The following CDH13 variants were observed in gnomAD, a reference collection of about 807,000 sequenced individuals.
CDH13 encodes cadherin 13.
CDH13 carries 24 observed loss-of-function variants against 63.8 expected under a neutral mutation model. The ratio of observed to expected loss-of-function variants is 0.38; its 90% CI spans 0.27 to 0.53. The LOEUF is 0.53. Ranked by LOEUF, CDH13 falls within the 20% of genes least tolerant of loss-of-function variation. The probability of loss-of-function intolerance (pLI) is 0.85; values close to 1 mark genes in which losing one functional copy is unlikely to be tolerated. For missense variants in CDH13, 1,049 were observed against 903.1 expected (o/e 1.16, Z -2.07); for synonymous variants, 503 against 355.3 (o/e 1.42, Z -4.67).
At chr16:82,950,565 T>C (rs28726147) in intron 2 of CDH13, among the ~76,000 whole-genome samples, 46,711 of 151,992 alleles carry the variant, frequency 0.31, 8,412 homozygotes, top group African/African-American at 0.5. Context: ...CACTTGCTGC[T>C]GATGTAAGAT....
intron 11 of CDH13, among the ~76,000 whole-genome samples, chr16:83,750,733 G>A (rs1879699019): frequency 6.6e-6 from 1 of 152,152 alleles, no homozygotes; most frequent in Non-Finnish European, 1.5e-5. Context: ...CCAGCAGCTG[G>A]GGGAGAGGCT....
At chr16:82,936,228 T>C (rs758435457) in intron 2 of CDH13, among the ~76,000 whole-genome samples, 31 of 152,332 alleles carry the variant, frequency 2.0e-4, no homozygotes, top group Middle Eastern at 3.4e-3. Context: ...AGCTCAACTT[T>C]ACATTTTCTT....
intron 1 of CDH13, among the ~76,000 whole-genome samples, chr16:82,687,919 C>T (rs1915246393): frequency 6.6e-6 from 1 of 152,130 alleles, no homozygotes; most frequent in African/African-American, 2.4e-5. Context: ...TCCAAGGCAC[C>T]TCCTTGGACT....
chr16:82,952,106 A>AT, intron 2 of CDH13, among the ~76,000 whole-genome samples: 1 of 152,092 alleles, frequency 6.6e-6, no homozygotes, highest in Non-Finnish European at 1.5e-5. Flanking sequence ...ATGCATAGAC[A>AT]TTTTTCCACA....
chr16:83,670,411 G>A (rs1914396993), intron 8 of CDH13, among the ~76,000 whole-genome samples: 2 of 152,204 alleles, frequency 1.3e-5, no homozygotes, highest in African/African-American at 4.8e-5. Flanking sequence ...TGGTGACTCA[G>A]GGACACAAGC....
intron 2 of CDH13, among the ~76,000 whole-genome samples, chr16:83,013,589 C>T (rs1304427377): frequency 1.2e-4 from 18 of 152,226 alleles, no homozygotes; most frequent in Admixed American, 9.2e-4. Context: ...TCCTCTTCTC[C>T]TGTCCATCTC....
chr16:83,073,836 A>T (rs1255758162), intron 3 of CDH13, among the ~76,000 whole-genome samples: 1 of 152,060 alleles, frequency 6.6e-6, no homozygotes, highest in African/African-American at 2.4e-5. Context: ...TCTACCAGTG[A>T]CAGATTTATT....
chr16:82,842,147 T>TACATACATAC (rs1235114442), intron 1 of CDH13, among the ~76,000 whole-genome samples: 2 of 21,424 alleles, frequency 9.3e-5, no homozygotes, highest in African/African-American at 2.4e-4. Flanking sequence ...TACACATATA[T>TACATACATAC]ATATATATAT....
intron 5 of CDH13, among the ~76,000 whole-genome samples, chr16:83,344,514 C>T (rs1407406561): frequency 6.6e-6 from 1 of 152,192 alleles, no homozygotes; most frequent in African/African-American, 2.4e-5. Flanking sequence ...GCATAACATT[C>T]CTTTTAAGCA....
chr16:82,775,617 G>C (rs2325688), intron 1 of CDH13, among the ~76,000 whole-genome samples: 89,814 of 151,992 alleles, frequency 0.59, 27,791 homozygotes, highest in East Asian at 0.76. Context: ...GCCTCAGAGA[G>C]GTTAAGTAAT....
intron 10 of CDH13, among the ~76,000 whole-genome samples, chr16:83,701,462 T>C (rs1906217292): frequency 6.6e-6 from 1 of 152,208 alleles, no homozygotes; most frequent in African/African-American, 2.4e-5. Flanking sequence ...TCGTAGGCCG[T>C]ACCCCATGCA....
At chr16:83,320,741 G>C (rs1184813227) in intron 5 of CDH13, among the ~76,000 whole-genome samples, 1 of 152,174 alleles carries the variant, frequency 6.6e-6, no homozygotes, top group Non-Finnish European at 1.5e-5. Flanking sequence ...GCTTATTAGA[G>C]TGTGTAGACC....
At chr16:82,947,541 C>G (rs969554435) in intron 2 of CDH13, among the ~76,000 whole-genome samples, 1 of 151,756 alleles carries the variant, frequency 6.6e-6, no homozygotes, top group African/African-American at 2.4e-5. Flanking sequence ...ACACATCTGC[C>G]TTAATTAATA....
intron 8 of CDH13, among the ~76,000 whole-genome samples, chr16:83,603,564 T>A (rs1490281729): frequency 6.6e-6 from 1 of 152,192 alleles, no homozygotes; most frequent in African/African-American, 2.4e-5. Flanking sequence ...CTAACTGTGA[T>A]GCTGTGCTTT....
chr16:83,046,805 C>A (rs981329558), intron 3 of CDH13, among the ~76,000 whole-genome samples: 10 of 152,124 alleles, frequency 6.6e-5, no homozygotes, highest in Non-Finnish European at 1.5e-4. Flanking sequence ...CTGGTGCCAC[C>A]CTTCCTCTCC....
intron 2 of CDH13, among the ~76,000 whole-genome samples, chr16:83,023,874 C>T (rs1296934508): frequency 1.3e-5 from 2 of 152,208 alleles, no homozygotes; most frequent in East Asian, 1.9e-4. Context: ...AAGAAGAAAA[C>T]GTAAAAGAAA....
intron 1 of CDH13, among the ~76,000 whole-genome samples, chr16:82,656,663 T>C (rs1239865160): frequency 6.6e-6 from 1 of 152,184 alleles, no homozygotes; most frequent in Non-Finnish European, 1.5e-5. Flanking sequence ...AATGTGTAAA[T>C]TCATGTATCC....
At chr16:83,312,881 A>C (rs1433951463) in intron 5 of CDH13, among the ~76,000 whole-genome samples, 1 of 152,226 alleles carries the variant, frequency 6.6e-6, no homozygotes, top group East Asian at 1.9e-4. Context: ...GAAAATCTGC[A>C]CTTAAATCCC....
chr16:83,709,131 C>T (rs951474116), intron 10 of CDH13, among the ~76,000 whole-genome samples: 24 of 152,142 alleles, frequency 1.6e-4, no homozygotes, highest in African/African-American at 5.3e-4. Flanking sequence ...ATTGGAGCCA[C>T]ATAAGGAAGA....
Sources: gnomAD v4.1 joint callset for allele counts (sites outside exome capture counted in the v4.1 genomes callset) on GRCh38, gnomAD v4.1.1 for gene constraint, MANE v1.5 for transcripts, NCBI Gene and HGNC (gene_info 2026-07-23, HGNC 2026-07-21) for gene names.